Variants in BCHE observed in about 807,000 individuals in gnomAD.
BCHE encodes the protein butyrylcholinesterase.
Under a neutral mutation model 51.3 loss-of-function variants are expected in BCHE, and 48 were observed. That is an observed-to-expected ratio of 0.94 (90% CI 0.74 to 1.19). The LOEUF is 1.19. Among genes scored for constraint, BCHE ranks in the 50% most tolerant of loss-of-function variants. The probability of loss-of-function intolerance (pLI) is 0.00; values close to 1 mark genes in which losing one functional copy is unlikely to be tolerated. For missense variants in BCHE, 847 were observed against 708.2 expected (o/e 1.20, Z -2.23); for synonymous variants, 251 against 238.0 (o/e 1.05, Z -0.50).
intron 3 of BCHE, among the ~76,000 whole-genome samples, chr3:165,777,987 G>A (rs1712538850): frequency 6.6e-6 from 1 of 151,798 alleles, no homozygotes; most frequent in South Asian, 2.1e-4. Flanking sequence ...TATTGGTAAG[G>A]TCCAGTCAAG....
chr3:165,783,682 G>T (rs983737233), intron 3 of BCHE, among the ~76,000 whole-genome samples: 15 of 151,920 alleles, frequency 9.9e-5, no homozygotes, highest in African/African-American at 3.6e-4. Flanking sequence ...TAATATGAAG[G>T]ACTTCTGTTC....
At chr3:165,821,128 T>C (rs1361531906) in intron 2 of BCHE, among the ~76,000 whole-genome samples, 1 of 151,988 alleles carries the variant, frequency 6.6e-6, no homozygotes, top group East Asian at 1.9e-4. Flanking sequence ...GATAGTACAC[T>C]GTTCATGTTA....
intron 2 of BCHE, among the ~76,000 whole-genome samples, chr3:165,805,801 G>A (rs906986346): frequency 3.4e-4 from 52 of 151,874 alleles, no homozygotes; most frequent in African/African-American, 1.3e-3. Context: ...TCCGACATAC[G>A]TTCTTAACTC....
chr3:165,793,601 A>C (rs993304128), intron 2 of BCHE, among the ~76,000 whole-genome samples: 1 of 152,238 alleles, frequency 6.6e-6, no homozygotes, highest in Non-Finnish European at 1.5e-5. Flanking sequence ...AAATGTTCAC[A>C]TTTAAAAACT....
intron 2 of BCHE, among the ~76,000 whole-genome samples, chr3:165,825,898 G>T (rs925920037): frequency 6.6e-6 from 1 of 152,140 alleles, no homozygotes; most frequent in African/African-American, 2.4e-5. Flanking sequence ...AAGAAAAGAT[G>T]TTTCACATCT....
chr3:165,804,431 T>A (rs1311699853), intron 2 of BCHE, among the ~76,000 whole-genome samples: 1 of 152,054 alleles, frequency 6.6e-6, no homozygotes, highest in Non-Finnish European at 1.5e-5. Flanking sequence ...GATGATTTTT[T>A]AAAAAAAGAA....
At chr3:165,816,671 A>G (rs1047181661) in intron 2 of BCHE, among the ~76,000 whole-genome samples, 1 of 152,112 alleles carries the variant, frequency 6.6e-6, no homozygotes, top group Admixed American at 6.6e-5. Flanking sequence ...TACTCATTCT[A>G]TATTCTATAC....
At chr3:165,790,240 G>C (rs1713116685) in intron 2 of BCHE, among the ~76,000 whole-genome samples, 1 of 152,126 alleles carries the variant, frequency 6.6e-6, no homozygotes, top group African/African-American at 2.4e-5. Flanking sequence ...TGCGAACAAT[G>C]ATTCAATCGA....
intron 2 of BCHE, among the ~76,000 whole-genome samples, chr3:165,804,575 C>T (rs1374814730): frequency 6.6e-6 from 1 of 151,962 alleles, no homozygotes; most frequent in African/African-American, 2.4e-5. Flanking sequence ...AGGACTTGGC[C>T]AGGGTTTTTG....
chr3:165,808,593 GATAA>G (rs1265130486), intron 2 of BCHE, among the ~76,000 whole-genome samples: 2 of 151,986 alleles, frequency 1.3e-5, no homozygotes, highest in Non-Finnish European at 2.9e-5. Context: ...TTATAAACAT[GATAA>G]ATAAATATTT....
intron 2 of BCHE, among the ~76,000 whole-genome samples, chr3:165,807,383 T>C (rs1713904837): frequency 6.6e-6 from 1 of 151,942 alleles, no homozygotes. Context: ...AAGTTCTCCC[T>C]ATTTAGAATA....
chr3:165,834,997 A>T (rs989334055), intron 1 of BCHE, among the ~76,000 whole-genome samples: 1 of 151,892 alleles, frequency 6.6e-6, no homozygotes, highest in East Asian at 1.9e-4. Context: ...GCTTATCAAA[A>T]TAGTATTTAA....
intron 2 of BCHE, among the ~76,000 whole-genome samples, chr3:165,795,005 GA>G (rs145718053): frequency 6.6e-6 from 1 of 151,780 alleles, no homozygotes; most frequent in East Asian, 1.9e-4. Flanking sequence ...AATATACACT[GA>G]AAAAAATGGT....
intron 3 of BCHE, among the ~76,000 whole-genome samples, chr3:165,783,556 A>G (rs1006789045): frequency 6.6e-6 from 1 of 152,050 alleles, no homozygotes; most frequent in African/African-American, 2.4e-5. Flanking sequence ...CAAAGTAACC[A>G]GTTCAAAGGG....
chr3:165,797,768 G>GTT, intron 2 of BCHE, among the ~76,000 whole-genome samples: 1 of 152,114 alleles, frequency 6.6e-6, no homozygotes, highest in Non-Finnish European at 1.5e-5. Flanking sequence ...CAAGCCCACA[G>GTT]TTTCAGGGAT....
At chr3:165,804,501 C>A (rs1482196670) in intron 2 of BCHE, among the ~76,000 whole-genome samples, 1 of 152,040 alleles carries the variant, frequency 6.6e-6, no homozygotes, top group Non-Finnish European at 1.5e-5. Flanking sequence ...TCTAGAGAAT[C>A]CCACTGGCAA....
intron 2 of BCHE, among the ~76,000 whole-genome samples, chr3:165,811,433 A>ACT (rs35509667): frequency 6.6e-5 from 10 of 151,332 alleles, no homozygotes; most frequent in Admixed American, 6.6e-5. Context: ...GAGCAGTGTA[A>ACT]GTGTGTGTGT....
intron 2 of BCHE, among the ~76,000 whole-genome samples, chr3:165,804,499 A>C (rs999778962): frequency 1.3e-5 from 2 of 152,200 alleles, no homozygotes; most frequent in African/African-American, 2.4e-5. Context: ...GCTCTAGAGA[A>C]TCCCACTGGC....
At chr3:165,799,767 T>A (rs547634636) in intron 2 of BCHE, among the ~76,000 whole-genome samples, 91 of 152,240 alleles carry the variant, frequency 6.0e-4, no homozygotes, top group African/African-American at 2.0e-3. Flanking sequence ...TTCATTTTAA[T>A]AATCGATTTC....
Sources: gnomAD v4.1 joint callset for allele counts (sites outside exome capture counted in the v4.1 genomes callset) on GRCh38, gnomAD v4.1.1 for gene constraint, MANE v1.5 for transcripts, NCBI Gene and HGNC (gene_info 2026-07-23, HGNC 2026-07-21) for gene names.